Variants in SENP6 observed in about 807,000 individuals in gnomAD.
SENP6 encodes SUMO specific peptidase 6.
In SENP6, 41 loss-of-function variants were observed where a neutral mutation model predicts 134.5. The observed-to-expected ratio is 0.30, with a 90% CI of 0.24 to 0.40. The LOEUF (loss-of-function observed/expected upper bound fraction) is 0.40. Among genes scored for constraint, SENP6 ranks in the 10% least tolerant of loss-of-function variants. SENP6 has a pLI of 1.00. For missense variants in SENP6, 1,248 were observed against 1,312.5 expected (o/e 0.95, Z 0.76); for synonymous variants, 395 against 429.8 (o/e 0.92, Z 1.00).
At chr6:75,606,947 A>G (rs1767072903) in intron 1 of SENP6, among the ~76,000 whole-genome samples, 1 of 152,190 alleles carries the variant, frequency 6.6e-6, no homozygotes. Context: ...TAGAGAGAGT[A>G]AAATAGGGGA....
chr6:75,683,776 A>G (rs942300839), intron 16 of SENP6, among the ~76,000 whole-genome samples: 2 of 152,184 alleles, frequency 1.3e-5, no homozygotes, highest in Non-Finnish European at 2.9e-5. Context: ...TGGTACCAGT[A>G]CCATGCTGAT....
At chr6:75,700,799 T>G (rs1038928104) in intron 18 of SENP6, among the ~76,000 whole-genome samples, 1 of 152,198 alleles carries the variant, frequency 6.6e-6, no homozygotes, top group Non-Finnish European at 1.5e-5. Flanking sequence ...GCATCATCAA[T>G]TTTTAAAACA....
intron 16 of SENP6, among the ~76,000 whole-genome samples, chr6:75,690,280 G>A (rs1774146775): frequency 6.6e-6 from 1 of 152,156 alleles, no homozygotes; most frequent in Non-Finnish European, 1.5e-5. Flanking sequence ...GCTGAGTGGT[G>A]GAAACAATCC....
intron 19 of SENP6, among the ~76,000 whole-genome samples, chr6:75,707,355 C>CTTTTTTTTTTTTTTT (rs10564996): frequency 1.3e-5 from 1 of 74,692 alleles, no homozygotes; most frequent in African/African-American, 5.2e-5. Flanking sequence ...TCTTCTTCTT[C>CTTTTTTTTTTTTTTT]TTTTTTTTTT....
intron 2 of SENP6, 148 bp downstream of exon 2, chr6:75,621,773 G>A (rs1179491131): frequency 7.7e-6 from 4 of 520,254 alleles, no homozygotes; most frequent in African/African-American, 5.9e-5. Flanking sequence ...GAAAGAAAAA[G>A]CAATTCCTTA....
chr6:75,702,594 A>G (rs1309384302), intron 18 of SENP6, 51 bp from the exon 19 acceptor site: 4 of 1,450,110 alleles, frequency 2.8e-6, no homozygotes, highest in Non-Finnish European at 3.7e-6. Flanking sequence ...ATTGCCAAAT[A>G]TAATAAACTT....
chr6:75,658,269 A>G (rs1771496875), intron 7 of SENP6, among the ~76,000 whole-genome samples: 1 of 152,190 alleles, frequency 6.6e-6, no homozygotes, highest in South Asian at 2.1e-4. Flanking sequence ...TTGTGATTGC[A>G]CTAAGCAAGA....
chr6:75,603,428 G>A (rs1272797139), intron 1 of SENP6, among the ~76,000 whole-genome samples: 1 of 152,162 alleles, frequency 6.6e-6, no homozygotes, highest in African/African-American at 2.4e-5. Flanking sequence ...TATGGGTTCA[G>A]TGTTTACACT....
intron 7 of SENP6, among the ~76,000 whole-genome samples, chr6:75,658,621 A>G (rs1771522589): frequency 6.6e-6 from 1 of 152,124 alleles, no homozygotes; most frequent in Non-Finnish European, 1.5e-5. Context: ...CATAAAAAAT[A>G]TCGAGAAAAA....
intron 2 of SENP6, chr6:75,622,721 C>A: frequency 9.1e-7 from 1 of 1,094,146 alleles, no homozygotes; most frequent in Non-Finnish European, 1.2e-6. Context: ...TACAAGAAGT[C>A]ATTCAGAATA....
At chr6:75,631,509 A>G (rs1011920033) in intron 3 of SENP6, among the ~76,000 whole-genome samples, 7 of 152,212 alleles carry the variant, frequency 4.6e-5, no homozygotes, top group Non-Finnish European at 8.8e-5. Context: ...CCTGAAGTCT[A>G]TTGTCTGTTA....
chr6:75,603,286 T>A (rs1340350071), intron 1 of SENP6, among the ~76,000 whole-genome samples: 1 of 152,128 alleles, frequency 6.6e-6, no homozygotes, highest in Non-Finnish European at 1.5e-5. Context: ...AAGCTGTATG[T>A]TTTTGTTGGG....
intron 5 of SENP6, among the ~76,000 whole-genome samples, chr6:75,635,246 A>G (rs1176267005): frequency 6.6e-6 from 1 of 152,166 alleles, no homozygotes; most frequent in Non-Finnish European, 1.5e-5. Context: ...GTTATTTTGT[A>G]GTTGTAGTTA....
intron 3 of SENP6, among the ~76,000 whole-genome samples, chr6:75,630,827 A>G (rs1318088184): frequency 6.8e-6 from 1 of 147,944 alleles, no homozygotes; most frequent in Non-Finnish European, 1.5e-5. Context: ...TAGACCTCCT[A>G]ATAGACATAA....
intron 16 of SENP6, among the ~76,000 whole-genome samples, chr6:75,681,570 C>T (rs1306917137): frequency 6.6e-6 from 1 of 151,942 alleles, no homozygotes; most frequent in Non-Finnish European, 1.5e-5. Flanking sequence ...GCAGTCCTTC[C>T]ACCTCAGCCT....
rs567129122 is a variant in SENP6, at chr6:75,693,237, T to TA, written c.2076-2557dup. Reference sequence around the variant, plus strand: ...CAACATGGTGAAACCTGGCCTCTACTAAAAAAAAAATACAGAAATTAGCTG... The same window carrying TA: ...CAACATGGTGAAACCTGGCCTCTACTAAAAAAAAAAATACAGAAATTAGCTG... On this transcript the variant is annotated intron_variant, in intron 16 of 23. Coordinates refer to ENST00000447266, the MANE Select transcript of SENP6 (RefSeq NM_015571.4). Among the ~76,000 whole-genome samples, 1,013 of 146,786 alleles carry TA rather than the reference T, an allele frequency of 6.9e-3. 9 individuals carry two copies. The highest frequency in any genetic ancestry group is 0.035 in the Middle Eastern group (10 of 284).
chr6:75,618,162 C>T (rs868673362), intron 1 of SENP6, among the ~76,000 whole-genome samples: 1 of 152,154 alleles, frequency 6.6e-6, no homozygotes, highest in African/African-American at 2.4e-5. Flanking sequence ...AGCCCATACT[C>T]AAGGGAAGGA....
intron 3 of SENP6, among the ~76,000 whole-genome samples, chr6:75,629,718 T>C (rs1292932338): frequency 6.6e-6 from 1 of 152,180 alleles, no homozygotes; most frequent in Non-Finnish European, 1.5e-5. Flanking sequence ...TTGAATAGCT[T>C]ACAGGTAATG....
intron 1 of SENP6, among the ~76,000 whole-genome samples, chr6:75,619,209 C>T (rs1324200464): frequency 6.6e-6 from 1 of 152,062 alleles, no homozygotes; most frequent in Non-Finnish European, 1.5e-5. Context: ...GAACTGTGTA[C>T]CTGTTAAACA....
Sources: allele counts gnomAD v4.1 joint callset (sites outside exome capture counted in the v4.1 genomes callset), GRCh38; gene constraint gnomAD v4.1.1; transcripts MANE v1.5; gene names NCBI Gene and HGNC (gene_info 2026-07-23, HGNC 2026-07-21).